Variants in IL36B observed in about 807,000 individuals in gnomAD.
The protein encoded by IL36B is interleukin-36 beta.
IL36B carries 23 observed loss-of-function variants against 19.3 expected under a neutral mutation model. The ratio of observed to expected loss-of-function variants is 1.19; its 90% CI spans 0.86 to 1.69. The LOEUF (loss-of-function observed/expected upper bound fraction) is 1.69. Among genes scored for constraint, IL36B ranks in the 40% most tolerant of loss-of-function variants. The pLI is 0.00. For synonymous variants in IL36B, 59 were observed against 59.7 expected (o/e 0.99, Z 0.05); for missense variants, 217 against 200.5 (o/e 1.08, Z -0.50).
intron 5 of IL36B, among the ~76,000 whole-genome samples, chr2:113,025,911 G>C (rs1215709366): frequency 6.6e-6 from 1 of 152,176 alleles, no homozygotes; most frequent in Non-Finnish European, 1.5e-5. Flanking sequence ...AGTGACCCTA[G>C]GGAACATGAG....
At chr2:113,041,681 G>A (rs1412039793) in intron 1 of IL36B, among the ~76,000 whole-genome samples, 1 of 152,150 alleles carries the variant, frequency 6.6e-6, no homozygotes, top group Non-Finnish European at 1.5e-5. Flanking sequence ...ACATATATCT[G>A]ATCAACAACT....
At chr2:113,051,365 G>A (rs1685441660) in intron 1 of IL36B, among the ~76,000 whole-genome samples, 1 of 152,232 alleles carries the variant, frequency 6.6e-6, no homozygotes, top group South Asian at 2.1e-4. Flanking sequence ...CTCTGGCCCT[G>A]TTCATGGGAC....
At chr2:113,038,069 T>C (rs1437012770) in intron 1 of IL36B, among the ~76,000 whole-genome samples, 1 of 152,204 alleles carries the variant, frequency 6.6e-6, no homozygotes, top group African/African-American at 2.4e-5. Context: ...TAGGTTAAAT[T>C]ATAGCTTCAA....
At chr2:113,040,682 T>C (rs1011910777) in intron 1 of IL36B, among the ~76,000 whole-genome samples, 1 of 152,178 alleles carries the variant, frequency 6.6e-6, no homozygotes, top group African/African-American at 2.4e-5. Context: ...TTTAACAAAG[T>C]ATATAAAAGA....
rs34868802 is a variant in IL36B, at chr2:113,051,610, C to G, written c.-58+1207G>C. Among the ~76,000 whole-genome samples, 309 of 152,344 alleles carry G rather than the reference C, an allele frequency of 2.0e-3. 3 individuals carry two copies. Among genetic ancestry groups the G allele is most frequent in the African/African-American group, 7.0e-3 (290 of 41,596 alleles). On this transcript the variant is annotated intron_variant, in intron 1 of 5. Transcript: ENST00000259213. ...AGCACCCAGCTGCAGCCCTGTGGAT[C>G]CTGGCCCACAGCCTCCCCATGACTT...
intron 5 of IL36B, chr2:113,025,989 C>T (rs1684951238): frequency 6.8e-7 from 1 of 1,466,366 alleles, no homozygotes; most frequent in South Asian, 1.4e-5. Flanking sequence ...TGAACTTAGA[C>T]CTGCCATGGG....
chr2:113,031,680 T>G lies in IL36B; in HGVS notation c.13+17A>C, dbSNP rs1165165060. Reference sequence around the variant, plus strand: ...AGATGGAGATATTTCCAAGCTGATTTGCAATTCACCACTTACGTTGTGGGT... The same window carrying G: ...AGATGGAGATATTTCCAAGCTGATTGGCAATTCACCACTTACGTTGTGGGT... On this transcript the variant is annotated intron_variant, in intron 2 of 5. Coordinates refer to ENST00000259213, the MANE Select transcript of IL36B (RefSeq NM_014438.5). The G allele has an allele frequency of 1.2e-6, 2 of 1,605,752 alleles. No homozygotes were observed. The highest frequency in any genetic ancestry group is 1.7e-6 in the Non-Finnish European group (2 of 1,172,752).
intron 5 of IL36B, among the ~76,000 whole-genome samples, chr2:113,024,505 C>G (rs1684917545): frequency 6.6e-6 from 1 of 152,168 alleles, no homozygotes. Flanking sequence ...AGAAATCTGT[C>G]ATCCCGTGCC....
At chr2:113,046,031 C>T (rs1022885717) in intron 1 of IL36B, among the ~76,000 whole-genome samples, 1 of 152,058 alleles carries the variant, frequency 6.6e-6, no homozygotes, top group Non-Finnish European at 1.5e-5. Flanking sequence ...CTGCTAAGTA[C>T]TTTTTTAATA....
rs763696214 is a variant in IL36B at position 113,022,790 on chromosome 2, A to T, written c.392-13T>A. On this transcript the variant is annotated splice_polypyrimidine_tract_variant and intron_variant, in intron 5 of 5. Coordinates refer to ENST00000259213, the MANE Select transcript of IL36B (RefSeq NM_014438.5). ...CACTTCTTTCTACCTGCAGGAAAGG[A>T]GAAGTATCTCCTAGGCTTAGCAAGA... The T allele has an allele frequency of 6.4e-7, 1 of 1,551,546 alleles. No homozygotes were observed. Among genetic ancestry groups the T allele is most frequent in the Non-Finnish European group, 8.9e-7 (1 of 1,123,538 alleles).
chr2:113,031,348 C>T (rs895507888), intron 2 of IL36B, among the ~76,000 whole-genome samples, 193 bp from the exon 3 acceptor site: 6 of 152,026 alleles, frequency 3.9e-5, no homozygotes, highest in African/African-American at 7.2e-5. Context: ...AAAGGATCTA[C>T]GTGCAGTCAC....
intron 1 of IL36B, 41 bp from the exon 2 acceptor site, chr2:113,031,807 A>C: frequency 1.0e-6 from 1 of 952,876 alleles, no homozygotes; most frequent in Non-Finnish European, 1.7e-6. Flanking sequence ...GAGAAGAAAC[A>C]TGTTATGCTT....
chr2:113,038,715 C>G (rs1383426151), intron 1 of IL36B, among the ~76,000 whole-genome samples: 3 of 152,160 alleles, frequency 2.0e-5, no homozygotes, highest in Admixed American at 2.0e-4. Context: ...GGGTTAGTTA[C>G]TTTTGGAAGG....
At chr2:113,038,545 T>G (rs1685197304) in intron 1 of IL36B, among the ~76,000 whole-genome samples, 1 of 152,198 alleles carries the variant, frequency 6.6e-6, no homozygotes, top group South Asian at 2.1e-4. Context: ...TGACTGCTGG[T>G]TGCTCCACTG....
intron 1 of IL36B, among the ~76,000 whole-genome samples, chr2:113,035,470 C>T (rs963879636): frequency 1.3e-5 from 2 of 151,836 alleles, no homozygotes; most frequent in African/African-American, 4.8e-5. Context: ...ATGATCCATT[C>T]GCCTATGCCC....
At chr2:113,043,020 A>G (rs1685288507) in intron 1 of IL36B, among the ~76,000 whole-genome samples, 1 of 151,706 alleles carries the variant, frequency 6.6e-6, no homozygotes, top group Non-Finnish European at 1.5e-5. Context: ...CAGTTTCCCA[A>G]TGACTAATTA....
At chr2:113,028,155 A>G in intron 4 of IL36B, 40 bp from the exon 5 acceptor site, 6 of 1,534,010 alleles carry the variant, frequency 3.9e-6, no homozygotes, top group Non-Finnish European at 5.4e-6. Flanking sequence ...GGAGGATAGG[A>G]GGAGGAAGCT....
At chr2:113,048,073 G>A (rs371798246) in intron 1 of IL36B, among the ~76,000 whole-genome samples, 1 of 152,122 alleles carries the variant, frequency 6.6e-6, no homozygotes, top group East Asian at 1.9e-4. Flanking sequence ...CGTCAGATTG[G>A]ATAAAAATGC....
At chr2:113,030,451 G>A (rs975108931) in intron 3 of IL36B, among the ~76,000 whole-genome samples, 2 of 152,166 alleles carry the variant, frequency 1.3e-5, no homozygotes, top group Non-Finnish European at 2.9e-5. Flanking sequence ...GCTATGATTG[G>A]CACAAGAAAA....
Sources: allele counts gnomAD v4.1 joint callset (sites outside exome capture counted in the v4.1 genomes callset), GRCh38; gene constraint gnomAD v4.1.1; transcripts MANE v1.5; gene names NCBI Gene and HGNC (gene_info 2026-07-23, HGNC 2026-07-21).